Variants in FOXP2 observed in about 807,000 individuals in gnomAD.
FOXP2 encodes the protein forkhead box P2, also known as forkhead box protein P2.
Under a neutral mutation model 115.8 loss-of-function variants are expected in FOXP2, and 12 were observed. That is an observed-to-expected ratio of 0.10 (90% confidence interval 0.07 to 0.17). The LOEUF is 0.17. FOXP2 is among the 10% of genes least tolerant of loss of function. The pLI, the probability that FOXP2 is intolerant of heterozygous loss-of-function variation, is 1.00. For synonymous variants in FOXP2, 328 were observed against 297.7 expected, an observed-to-expected ratio of 1.10 and a Z score of -1.05; for missense variants, 629 against 843.5, an observed-to-expected ratio of 0.75 and a Z score of 3.15.
chr7:114,213,335 G>A (rs1369467030), intron 1 of FOXP2, among the ~76,000 whole-genome samples: 4 of 152,032 alleles, frequency 2.6e-5, no homozygotes, highest in South Asian at 4.2e-4. Flanking sequence ...TGTCTTTACT[G>A]GTTTTAAAAC....
chr7:114,651,592 T>C (rs567051440), intron 8 of FOXP2, among the ~76,000 whole-genome samples: 16 of 152,252 alleles, frequency 1.1e-4, no homozygotes, highest in Admixed American at 5.9e-4. Flanking sequence ...AAAATAAGAT[T>C]AGGACAAATG....
intron 2 of FOXP2, 67 bp downstream of exon 2, chr7:114,426,746 T>C: frequency 6.7e-7 from 1 of 1,498,868 alleles, no homozygotes; most frequent in South Asian, 1.2e-5. Context: ...ATGAAAAATG[T>C]ATTCATAGCA....
rs530883557 is a variant in FOXP2, at chr7:114,450,515, C to T, written c.168+23836C>T. Among the ~76,000 whole-genome samples, 5 of 152,084 alleles carry T rather than the reference C, an allele frequency of 3.3e-5. No individual in the cohort carries two copies. The East Asian group carries it at 7.7e-4, about 24-fold the overall frequency. On this transcript the variant is annotated intron_variant, in intron 2 of 16. Coordinates refer to ENST00000350908, the MANE Select transcript of FOXP2 (RefSeq NM_014491.4). ...TCTACTCAAGCAGCATTGTGGTATT[C>T]TTTAGAAATTTTTTATTAATCTCTA... is the stretch of plus-strand genomic sequence containing the variant.
At chr7:114,307,550 A>G (rs1304123424) in intron 2 of FOXP2, among the ~76,000 whole-genome samples, 1 of 152,144 alleles carries the variant, frequency 6.6e-6, no homozygotes. Context: ...TGTAACTCAA[A>G]GGGGTACATA....
intron 2 of FOXP2, among the ~76,000 whole-genome samples, chr7:114,448,908 CA>C (rs1157688146): frequency 1.3e-5 from 2 of 152,020 alleles, no homozygotes; most frequent in African/African-American, 4.8e-5. Context: ...TGGAATGGAA[CA>C]TTTTTGGTGA....
chr7:114,530,729 G>A (rs1799104814), intron 2 of FOXP2, among the ~76,000 whole-genome samples: 1 of 151,800 alleles, frequency 6.6e-6, no homozygotes, highest in Non-Finnish European at 1.5e-5. Context: ...GAATTATTCT[G>A]TGAGGTTCAT....
intron 1 of FOXP2, among the ~76,000 whole-genome samples, chr7:114,129,436 T>C (rs557417973): frequency 6.6e-6 from 1 of 152,300 alleles, no homozygotes; most frequent in African/African-American, 2.4e-5. Context: ...AAATAGTCTG[T>C]TAGCCACTGT....
intron 2 of FOXP2, among the ~76,000 whole-genome samples, chr7:114,325,655 A>G (rs1238086995): frequency 3.3e-5 from 5 of 152,032 alleles, no homozygotes; most frequent in East Asian, 1.9e-4. Flanking sequence ...ATAATAAACA[A>G]TGGATCTAAT....
At chr7:114,683,283 A>C (rs1808193074) in intron 16 of FOXP2, among the ~76,000 whole-genome samples, 1 of 152,202 alleles carries the variant, frequency 6.6e-6, no homozygotes, top group Non-Finnish European at 1.5e-5. Context: ...TAATCTGTGA[A>C]GTTCACAGTC....
chr7:114,417,907 ATACAG>A (rs1312431196), intron 1 of FOXP2, among the ~76,000 whole-genome samples: 2 of 152,108 alleles, frequency 1.3e-5, no homozygotes, highest in East Asian at 1.9e-4. Context: ...ACGAACTGAT[ATACAG>A]TAAAGTGCTA....
At chr7:114,400,805 C>T (rs1792870886) in intron 2 of FOXP2, among the ~76,000 whole-genome samples, 2 of 152,184 alleles carry the variant, frequency 1.3e-5, no homozygotes, top group Non-Finnish European at 2.9e-5. Context: ...AGGCCATGGA[C>T]TGGTACTGGT....
chr7:114,179,961 T>C (rs952212098), intron 1 of FOXP2, among the ~76,000 whole-genome samples: 2 of 151,956 alleles, frequency 1.3e-5, no homozygotes, highest in Admixed American at 1.3e-4. Flanking sequence ...TGGACCAGTC[T>C]CCTTTTCTAC....
At chr7:114,627,865 G>C (rs1288138145) in intron 3 of FOXP2, among the ~76,000 whole-genome samples, 1 of 151,856 alleles carries the variant, frequency 6.6e-6, no homozygotes, top group Non-Finnish European at 1.5e-5. Context: ...TAGAATACTA[G>C]TTATATGAGT....
chr7:114,562,137 C>A (rs1458996399), intron 3 of FOXP2, among the ~76,000 whole-genome samples: 1 of 152,178 alleles, frequency 6.6e-6, no homozygotes, highest in Non-Finnish European at 1.5e-5. Context: ...TAAACACTTT[C>A]ACTATTCTGA....
intron 2 of FOXP2, among the ~76,000 whole-genome samples, chr7:114,454,406 T>G (rs1238372110): frequency 1.7e-3 from 263 of 152,074 alleles, no homozygotes; most frequent in Non-Finnish European, 2.7e-3. Context: ...TAGGAACACT[T>G]TTACACTGTT....
At chr7:114,248,108 G>A (rs1184712591) in intron 1 of FOXP2, among the ~76,000 whole-genome samples, 15 of 151,978 alleles carry the variant, frequency 9.9e-5, no homozygotes, top group Non-Finnish European at 2.2e-4. Context: ...AGTGGTGTAA[G>A]TTATAGTCTC....
chr7:114,205,140 A>G (rs567956564), intron 1 of FOXP2, among the ~76,000 whole-genome samples: 1 of 152,276 alleles, frequency 6.6e-6, no homozygotes. Context: ...TCCATATTTT[A>G]ACTTTATTTT....
At chr7:114,373,053 G>A (rs373911833) in intron 2 of FOXP2, among the ~76,000 whole-genome samples, 1 of 151,496 alleles carries the variant, frequency 6.6e-6, no homozygotes, top group African/African-American at 2.4e-5. Context: ...AGTGCAGTGC[G>A]GCGATCTTGG....
intron 1 of FOXP2, among the ~76,000 whole-genome samples, chr7:114,120,338 C>T (rs914198567): frequency 1.3e-5 from 2 of 151,954 alleles, no homozygotes; most frequent in East Asian, 1.9e-4. Context: ...TTTTGTATGG[C>T]GTTATGGCAA....
Sources: allele counts gnomAD v4.1 joint callset (sites outside exome capture counted in the v4.1 genomes callset), GRCh38; gene constraint gnomAD v4.1.1; transcripts MANE v1.5; gene names NCBI Gene and HGNC (gene_info 2026-07-23, HGNC 2026-07-21).